The following LY96 variants were observed in gnomAD, a reference collection of about 807,000 sequenced individuals.
LY96 encodes lymphocyte antigen 96, also known as myeloid differentiation protein-2.
Under a neutral mutation model 18.9 loss-of-function variants are expected in LY96, and 18 were observed. The observed-to-expected ratio is 0.95, with a 90% confidence interval of 0.66 to 1.41. The LOEUF is 1.41. Among genes scored for constraint, LY96 ranks in the 40% most tolerant of loss-of-function variants. LY96 has a pLI of 0.00. For missense variants in LY96, 175 were observed against 182.4 expected, an observed-to-expected ratio of 0.96 and a Z score of 0.23; for synonymous variants, 66 against 62.6, an observed-to-expected ratio of 1.06 and a Z score of -0.26.
At chr8:74,006,606 C>T (rs1816417637) in intron 2 of LY96, among the ~76,000 whole-genome samples, 1 of 152,222 alleles carries the variant, frequency 6.6e-6, no homozygotes, top group Admixed American at 6.5e-5. Context: ...AGTGACAGCA[C>T]AGAGCAAAGG....
At chr8:74,057,490 A>C in the LY96 span, among the ~76,000 whole-genome samples, 1 of 152,198 alleles carries the variant, frequency 6.6e-6, no homozygotes, top group Non-Finnish European at 1.5e-5. Flanking sequence ...TTCTTTTCTC[A>C]CTTTTAGAAA....
the LY96 span, among the ~76,000 whole-genome samples, chr8:74,074,742 C>T: frequency 2.6e-5 from 4 of 152,112 alleles, no homozygotes; most frequent in Non-Finnish European, 5.9e-5. Context: ...TTCATTGACC[C>T]ACTAGTCATT....
At chr8:74,016,928 A>G (rs896578758) in intron 3 of LY96, among the ~76,000 whole-genome samples, 4 of 152,230 alleles carry the variant, frequency 2.6e-5, no homozygotes, top group Admixed American at 2.6e-4. Flanking sequence ...AAAGGTAGGT[A>G]AAACCACAAA....
chr8:74,002,093 T>TTCTTTCTTTCTTTCTTTCTTCCTTTC (rs1563710943), intron 1 of LY96, among the ~76,000 whole-genome samples: 1 of 38,700 alleles, frequency 2.6e-5, no homozygotes, highest in African/African-American at 1.6e-4. Context: ...CTTTCTTTCT[T>TTCTTTCTTTCTTTCTTTCTTCCTTTC]TCTCTCTCTC....
the LY96 span, among the ~76,000 whole-genome samples, chr8:74,077,215 T>C: frequency 1.3e-5 from 2 of 152,162 alleles, no homozygotes; most frequent in African/African-American, 4.8e-5. Context: ...CAAATCTCAT[T>C]GTTCGAGAGT....
chr8:74,054,432 G>T, the LY96 span, among the ~76,000 whole-genome samples: 6 of 152,144 alleles, frequency 3.9e-5, no homozygotes, highest in Non-Finnish European at 8.8e-5. Flanking sequence ...GCAGGCTTCA[G>T]GGTTGGTCTA....
the LY96 span, among the ~76,000 whole-genome samples, chr8:74,035,307 C>T: frequency 6.6e-6 from 1 of 151,984 alleles, no homozygotes. Flanking sequence ...GACTCTAAGT[C>T]CCTTGGCTTA....
intron 3 of LY96, among the ~76,000 whole-genome samples, chr8:74,023,256 G>A (rs987444294): frequency 5.9e-5 from 9 of 152,120 alleles, no homozygotes; most frequent in African/African-American, 9.7e-5. Flanking sequence ...GTCAGGATCC[G>A]GTGTGGGTGC....
At chr8:74,091,263 A>C in the LY96 span, among the ~76,000 whole-genome samples, 1 of 152,238 alleles carries the variant, frequency 6.6e-6, no homozygotes, top group Non-Finnish European at 1.5e-5. Context: ...TTCTCCACCC[A>C]GAAAGCTCTC....
intron 3 of LY96, among the ~76,000 whole-genome samples, chr8:74,021,656 G>A (rs1170072804): frequency 1.3e-5 from 2 of 152,142 alleles, no homozygotes; most frequent in African/African-American, 4.8e-5. Context: ...CAACAGCAAA[G>A]ACTTGGAACC....
downstream of LY96, among the ~76,000 whole-genome samples, chr8:74,032,671 G>A (rs1816989748): frequency 6.6e-6 from 1 of 152,172 alleles, no homozygotes; most frequent in Admixed American, 6.5e-5. Flanking sequence ...TGGTGTCTGA[G>A]GGGTTGTTGT....
chr8:74,030,688 C>T (rs535309478), downstream of LY96, among the ~76,000 whole-genome samples: 1 of 152,024 alleles, frequency 6.6e-6, no homozygotes, highest in South Asian at 2.1e-4. Flanking sequence ...GGTTTATACT[C>T]CAGACAACGT....
chr8:74,006,850 C>A (rs992089440), intron 2 of LY96, among the ~76,000 whole-genome samples: 1 of 152,050 alleles, frequency 6.6e-6, no homozygotes, highest in South Asian at 2.1e-4. Context: ...TCTTTCCAGG[C>A]CAAGATAATA....
intron 1 of LY96, among the ~76,000 whole-genome samples, chr8:74,004,031 T>C (rs181852539): frequency 1.5e-4 from 23 of 152,238 alleles, no homozygotes; most frequent in Non-Finnish European, 2.9e-4. Flanking sequence ...CAAGCTGCTG[T>C]CTCCATTCCC....
chr8:74,040,291 C>G, the LY96 span, among the ~76,000 whole-genome samples: 25 of 152,242 alleles, frequency 1.6e-4, no homozygotes, highest in African/African-American at 5.3e-4. Context: ...TATACTGAAA[C>G]AGTTTGTGCC....
At chr8:74,037,294 T>C in the LY96 span, among the ~76,000 whole-genome samples, 1 of 152,072 alleles carries the variant, frequency 6.6e-6, no homozygotes, top group African/African-American at 2.4e-5. Flanking sequence ...GGAATTAGCC[T>C]CTGGATGAAG....
At chr8:74,082,688 C>T in the LY96 span, among the ~76,000 whole-genome samples, 4 of 152,092 alleles carry the variant, frequency 2.6e-5, no homozygotes, top group African/African-American at 9.7e-5. Flanking sequence ...GGGGAGACTT[C>T]TTAAGGAAAT....
intron 1 of LY96, among the ~76,000 whole-genome samples, chr8:73,992,836 CTGTGTGTGTGTGTGTG>C (rs34327741): frequency 0.02 from 2,865 of 141,880 alleles, 90 homozygotes; most frequent in African/African-American, 0.07. Context: ...AATTATGCCA[CTGTGTGTGTGTGTGTG>C]TGTGTGTGTG....
the LY96 span, among the ~76,000 whole-genome samples, chr8:74,060,495 T>G: frequency 1.3e-5 from 2 of 152,224 alleles, no homozygotes; most frequent in African/African-American, 4.8e-5. Context: ...GACAGTGAAC[T>G]CCTAGAGAGG....
Sources: allele counts gnomAD v4.1 joint callset (sites outside exome capture counted in the v4.1 genomes callset), GRCh38; gene constraint gnomAD v4.1.1; transcripts MANE v1.5; gene names NCBI Gene and HGNC (gene_info 2026-07-23, HGNC 2026-07-21).